Variants in MAPK4 observed in about 807,000 individuals in gnomAD.
The protein encoded by MAPK4 is mitogen-activated protein kinase 4.
Under a neutral mutation model 47.7 loss-of-function variants are expected in MAPK4, and 22 were observed. That is an observed-to-expected ratio of 0.46 (90% CI 0.33 to 0.66). The LOEUF is 0.66. MAPK4 is among the 30% of genes least tolerant of loss of function. The pLI is 0.02. For missense variants in MAPK4, 736 were observed against 831.7 expected (o/e 0.88, Z 1.42); for synonymous variants, 390 against 365.7 (o/e 1.07, Z -0.76).
At chr18:50,581,692 C>T (rs911509377) in intron 1 of MAPK4, among the ~76,000 whole-genome samples, 1 of 152,150 alleles carries the variant, frequency 6.6e-6, no homozygotes, top group African/African-American at 2.4e-5. Flanking sequence ...CTTATTTTCC[C>T]ATGTGGGTGG....
chr18:50,722,008 C>T lies in MAPK4; in HGVS notation c.762C>T (p.Asp254=), dbSNP rs751707902. Reference sequence around the variant, plus strand: ...CTGTAATCCGGGAGGAAGACAAGGACGAGCTGCTCAGGGTGATGCCTTCCT... The same window carrying T: ...CTGTAATCCGGGAGGAAGACAAGGATGAGCTGCTCAGGGTGATGCCTTCCT... ...TIPVIREEDK[D]ELLRVMPSFV... is the part of the protein sequence containing the mutation. Residue 254 remains aspartate, a synonymous_variant, in exon 4 of 6, where the codon GAC becomes GAT. Transcript: ENST00000400384. The T allele has an allele frequency of 1.4e-5, 23 of 1,613,934 alleles. No homozygotes were observed. Among genetic ancestry groups the T allele is most frequent in the East Asian group, 4.5e-5 (2 of 44,894 alleles).
intron 2 of MAPK4, among the ~76,000 whole-genome samples, chr18:50,675,026 G>A (rs1454296739): frequency 6.6e-6 from 1 of 152,140 alleles, no homozygotes; most frequent in African/African-American, 2.4e-5. Flanking sequence ...AAATATTCAG[G>A]TACTCTTCTA....
chr18:50,707,980 G>C (rs1014673085), intron 2 of MAPK4, among the ~76,000 whole-genome samples: 9 of 152,220 alleles, frequency 5.9e-5, no homozygotes, highest in Admixed American at 1.3e-4. Context: ...CAGTGCAGCT[G>C]ATTTAGCCAA....
chr18:50,724,973 G>A (rs536445297), intron 4 of MAPK4, among the ~76,000 whole-genome samples: 1 of 152,220 alleles, frequency 6.6e-6, no homozygotes, highest in African/African-American at 2.4e-5. Context: ...ATAACCCAGG[G>A]CAGAGCTCCA....
chr18:50,651,503 C>T (rs1423805121), intron 1 of MAPK4, among the ~76,000 whole-genome samples: 1 of 152,164 alleles, frequency 6.6e-6, no homozygotes, highest in Non-Finnish European at 1.5e-5. Context: ...GAACAAGGAG[C>T]CAAGTGCAAA....
chr18:50,702,232 T>A (rs1307086201), intron 2 of MAPK4, among the ~76,000 whole-genome samples: 1 of 151,728 alleles, frequency 6.6e-6, no homozygotes, highest in Non-Finnish European at 1.5e-5. Flanking sequence ...CTTAGTTATC[T>A]TTTTAACTAC....
At chr18:50,719,819 T>A (rs1910841345) in intron 3 of MAPK4, among the ~76,000 whole-genome samples, 1 of 152,228 alleles carries the variant, frequency 6.6e-6, no homozygotes, top group Admixed American at 6.5e-5. Flanking sequence ...GCTCACTGTC[T>A]GTGGTCACGA....
intron 1 of MAPK4, among the ~76,000 whole-genome samples, chr18:50,602,269 C>T (rs566762371): frequency 1.2e-4 from 18 of 152,170 alleles, no homozygotes; most frequent in Admixed American, 2.6e-4. Context: ...CTATAATGCC[C>T]TCCACCTCTG....
At chr18:50,601,094 C>T (rs1404588109) in intron 1 of MAPK4, among the ~76,000 whole-genome samples, 1 of 27,490 alleles carries the variant, frequency 3.6e-5, no homozygotes, top group African/African-American at 7.1e-5. Flanking sequence ...GACCCTATCT[C>T]TGTAAAAAAA....
intron 2 of MAPK4, among the ~76,000 whole-genome samples, chr18:50,688,698 G>T (rs1909025819): frequency 6.6e-6 from 1 of 152,022 alleles, no homozygotes; most frequent in African/African-American, 2.4e-5. Flanking sequence ...AGGATGCAAA[G>T]GCATAAGAAT....
Position 50,686,369 on chromosome 18 carries a change from A to G in MAPK4, c.546+21865A>G, listed in dbSNP as rs368725524. 9.2e-5 allele frequency among the ~76,000 whole-genome samples: 14 copies of G among 152,354 alleles called. No homozygotes were observed. The East Asian group carries it at 1.5e-3, about 17-fold the overall frequency. ...ACTCTTTGGAGAGATTTCCAGCAAC[A>G]GGAGTTGAAACAAAAAGTCTTTTCT... On this transcript the variant is annotated intron_variant, in intron 2 of 5. Coordinates refer to ENST00000400384, the MANE Select transcript of MAPK4 (RefSeq NM_002747.4).
At chr18:50,708,946 A>G (rs1910207355) in intron 2 of MAPK4, among the ~76,000 whole-genome samples, 1 of 152,200 alleles carries the variant, frequency 6.6e-6, no homozygotes, top group East Asian at 1.9e-4. Context: ...CATATAAAGC[A>G]GATAAAACTG....
intron 1 of MAPK4, among the ~76,000 whole-genome samples, chr18:50,662,260 A>T (rs942474699): frequency 2.6e-5 from 4 of 152,294 alleles, no homozygotes; most frequent in African/African-American, 9.6e-5. Flanking sequence ...ACGCTATGAT[A>T]TTACCTTACT....
At chr18:50,610,805 A>G (rs1232209993) in intron 1 of MAPK4, among the ~76,000 whole-genome samples, 1 of 152,208 alleles carries the variant, frequency 6.6e-6, no homozygotes, top group Non-Finnish European at 1.5e-5. Flanking sequence ...GCAAAAAGAT[A>G]TAACTGATCA....
chr18:50,722,123 C>T (rs1358315537), intron 4 of MAPK4, 24 bp downstream of exon 4: 2 of 1,605,114 alleles, frequency 1.2e-6, no homozygotes, highest in Non-Finnish European at 1.7e-6. Context: ...GCAGCCAGGC[C>T]AAGTGTCCTG....
rs542925568 is a variant in MAPK4 at position 50,640,526 on chromosome 18, C to T, written c.-870-22563C>T. Among the ~76,000 whole-genome samples the T allele has an allele frequency of 1.7e-4, 26 of 152,118 alleles. No homozygotes were observed. In the South Asian group the frequency reaches 2.7e-3, roughly 16 times the overall value. On this transcript the variant is annotated intron_variant, in intron 1 of 5. Coordinates refer to ENST00000400384, the MANE Select transcript of MAPK4 (RefSeq NM_002747.4). ...ACCCAGGCTGGAGTGTGCAGTGGCACGATCTCAGCTCTCACTGAAACCCCT... is the reference window on the plus strand; with the variant it reads ...ACCCAGGCTGGAGTGTGCAGTGGCATGATCTCAGCTCTCACTGAAACCCCT...
intron 1 of MAPK4, among the ~76,000 whole-genome samples, chr18:50,575,023 T>C (rs1317366993): frequency 6.6e-6 from 1 of 152,198 alleles, no homozygotes; most frequent in Non-Finnish European, 1.5e-5. Flanking sequence ...TGTCTAATAT[T>C]CATGGGTTGG....
At chr18:50,570,841 G>C (rs542472156) in intron 1 of MAPK4, among the ~76,000 whole-genome samples, 1 of 152,332 alleles carries the variant, frequency 6.6e-6, no homozygotes, top group South Asian at 2.1e-4. Context: ...TATTTCCTGA[G>C]TTTGAAAAGG....
chr18:50,698,048 T>C (rs1909601897), intron 2 of MAPK4, among the ~76,000 whole-genome samples: 1 of 152,242 alleles, frequency 6.6e-6, no homozygotes. Context: ...TGATCATGAC[T>C]TTCATTCTAC....
Sources: gnomAD v4.1 joint callset for allele counts (sites outside exome capture counted in the v4.1 genomes callset) on GRCh38, gnomAD v4.1.1 for gene constraint, MANE v1.5 for transcripts, NCBI Gene and HGNC (gene_info 2026-07-23, HGNC 2026-07-21) for gene names.